Variants in DZIP3 observed in about 807,000 individuals in gnomAD.
The protein encoded by DZIP3 is E3 ubiquitin-protein ligase DZIP3.
A neutral mutation model predicts 162.0 loss-of-function variants in DZIP3; 118 were observed. That is an observed-to-expected ratio of 0.73 (90% CI 0.63 to 0.85). The LOEUF (loss-of-function observed/expected upper bound fraction) is 0.85, where lower values mean the gene tolerates loss of function less well. Ranked by LOEUF, DZIP3 falls within the 40% of genes least tolerant of loss-of-function variation. The pLI, the probability that DZIP3 is intolerant of heterozygous loss-of-function variation, is 0.00. For synonymous variants in DZIP3, 438 were observed against 458.6 expected (o/e 0.96, Z 0.57); for missense variants, 1,331 against 1,407.0 (o/e 0.95, Z 0.86).
At chr3:108,658,700 G>A (rs1325127532) in intron 19 of DZIP3, among the ~76,000 whole-genome samples, 2 of 151,820 alleles carry the variant, frequency 1.3e-5, no homozygotes, top group African/African-American at 4.8e-5. Flanking sequence ...ATGAATCCAG[G>A]AGCTGGTTTT....
intron 2 of DZIP3, 78 bp from the exon 3 acceptor site, chr3:108,608,011 T>C (rs1205056854): frequency 2.7e-5 from 33 of 1,222,474 alleles, no homozygotes; most frequent in Non-Finnish European, 2.2e-5. Flanking sequence ...ATAATTCAAT[T>C]GTTAGATTCT....
chr3:108,673,159 T>C (rs967068385), intron 23 of DZIP3, among the ~76,000 whole-genome samples: 1 of 151,944 alleles, frequency 6.6e-6, no homozygotes, highest in Non-Finnish European at 1.5e-5. Context: ...GTATGTAATT[T>C]TTATTTATAC....
intron 16 of DZIP3, 90 bp from the exon 17 acceptor site, chr3:108,648,828 G>A (rs1942742099): frequency 1.6e-6 from 1 of 613,232 alleles, no homozygotes; most frequent in Non-Finnish European, 2.4e-6. Flanking sequence ...GAAAACAAAA[G>A]ATCTCAGTGG....
At chr3:108,610,115 C>T (rs771746313) in intron 3 of DZIP3, among the ~76,000 whole-genome samples, 8 of 152,076 alleles carry the variant, frequency 5.3e-5, no homozygotes, top group Non-Finnish European at 1.0e-4. Context: ...GAACATCCTT[C>T]ATAGAGAGTT....
intron 5 of DZIP3, among the ~76,000 whole-genome samples, chr3:108,619,925 G>T (rs1015808252): frequency 1.3e-5 from 2 of 151,322 alleles, no homozygotes; most frequent in Non-Finnish European, 2.9e-5. Context: ...ACAGGAAATT[G>T]ATGTTGGTCC....
At chr3:108,604,711 G>A (rs180786213) in intron 1 of DZIP3, among the ~76,000 whole-genome samples, 148 of 152,220 alleles carry the variant, frequency 9.7e-4, no homozygotes, top group African/African-American at 3.1e-3. Context: ...GTAGCTACAT[G>A]TTATTTGTAG....
At chr3:108,617,015 A>G (rs1227760201) in intron 5 of DZIP3, among the ~76,000 whole-genome samples, 1 of 152,232 alleles carries the variant, frequency 6.6e-6, no homozygotes, top group Admixed American at 6.5e-5. Context: ...AGCCAAGTAT[A>G]GAAGGACAAA....
chr3:108,624,558 T>C, intron 6 of DZIP3, 34 bp downstream of exon 6: 1 of 1,234,932 alleles, frequency 8.1e-7, no homozygotes, highest in South Asian at 1.5e-5. Flanking sequence ...TTATAAATCT[T>C]TTTACATCTT....
At chr3:108,596,187 C>T (rs1939703572) in intron 1 of DZIP3, among the ~76,000 whole-genome samples, 3 of 152,100 alleles carry the variant, frequency 2.0e-5, no homozygotes, top group Non-Finnish European at 4.4e-5. Context: ...TATTTCTTGC[C>T]CACAGATTTG....
At chr3:108,692,022 G>T (rs762786152) in intron 32 of DZIP3, among the ~76,000 whole-genome samples, 1 of 151,908 alleles carries the variant, frequency 6.6e-6, no homozygotes, top group Non-Finnish European at 1.5e-5. Context: ...AACATTGTCC[G>T]CATAAATAAG....
chr3:108,691,578 T>C (rs2107448372), intron 32 of DZIP3, among the ~76,000 whole-genome samples: 1 of 152,266 alleles, frequency 6.6e-6, no homozygotes, highest in East Asian at 1.9e-4. Context: ...ATACAGTGGG[T>C]ACCTCTAGAA....
intron 1 of DZIP3, among the ~76,000 whole-genome samples, chr3:108,596,714 T>C (rs752396225): frequency 8.5e-5 from 13 of 152,182 alleles, no homozygotes; most frequent in Non-Finnish European, 1.9e-4. Context: ...GTGGGTGAGT[T>C]CATTTTTTAA....
intron 31 of DZIP3, among the ~76,000 whole-genome samples, chr3:108,689,438 C>T (rs1376380207): frequency 6.6e-6 from 1 of 152,160 alleles, no homozygotes; most frequent in East Asian, 1.9e-4. Context: ...AATCCCAGCA[C>T]TTTAGGAGGC....
intron 4 of DZIP3, among the ~76,000 whole-genome samples, chr3:108,614,224 A>G (rs1488757288): frequency 6.6e-6 from 1 of 152,210 alleles, no homozygotes; most frequent in African/African-American, 2.4e-5. Context: ...CAAATGCGTA[A>G]TAAGTATGTC....
chr3:108,618,033 A>G (rs1482369321), intron 5 of DZIP3, among the ~76,000 whole-genome samples: 2 of 152,252 alleles, frequency 1.3e-5, no homozygotes, highest in Non-Finnish European at 2.9e-5. Flanking sequence ...TCTGTCCTTC[A>G]AGGCCACCAA....
intron 5 of DZIP3, among the ~76,000 whole-genome samples, chr3:108,623,623 C>T (rs1367697793): frequency 6.6e-6 from 1 of 152,154 alleles, no homozygotes. Context: ...GTGACATAAG[C>T]ACTCCCTTGC....
At chr3:108,602,827 A>G (rs1940104370) in intron 1 of DZIP3, 1 of 152,158 alleles carries the variant, frequency 6.6e-6, no homozygotes, top group South Asian at 2.1e-4. Flanking sequence ...TTTGCCACAC[A>G]TACCTGTTTA....
chr3:108,640,267 G>T (rs1553707207), intron 12 of DZIP3, among the ~76,000 whole-genome samples: 1 of 150,328 alleles, frequency 6.7e-6, no homozygotes, highest in Non-Finnish European at 1.5e-5. Flanking sequence ...TGTCATTTTT[G>T]ATTATTTACT....
Position 108,672,616 on chromosome 3 carries a change from GCA to G in DZIP3, c.2550_2551del (p.Ser850ArgfsTer7). On this transcript the variant is annotated frameshift_variant, in exon 23 of 33. Coordinates refer to ENST00000361582, the MANE Select transcript of DZIP3 (RefSeq NM_014648.4). LOFTEE classifies it high-confidence loss of function. ...GAAAGCACAATGAAAACATACGTAA[GCA>G]AACTGAACGCAGAAACTAGCAGAGC... 6.2e-7 allele frequency: 1 copy of G among 1,611,878 alleles called. No homozygotes were observed. Among genetic ancestry groups the G allele is most frequent in the South Asian group, 1.1e-5 (1 of 90,980 alleles).
Sources: allele counts gnomAD v4.1 joint callset (sites outside exome capture counted in the v4.1 genomes callset), GRCh38; gene constraint gnomAD v4.1.1; transcripts MANE v1.5; gene names NCBI Gene and HGNC (gene_info 2026-07-23, HGNC 2026-07-21).